The following TRERF1 variants were observed in gnomAD, a reference collection of about 807,000 sequenced individuals.
TRERF1 encodes transcriptional-regulating factor 1.
TRERF1 carries 27 observed loss-of-function variants against 122.9 expected under a neutral mutation model. The ratio of observed to expected loss-of-function variants is 0.22; its 90% CI spans 0.16 to 0.30. TRERF1 has a LOEUF of 0.30. Among genes scored for constraint, TRERF1 ranks in the 10% least tolerant of loss-of-function variants. TRERF1 has a pLI of 1.00. For synonymous variants in TRERF1, 636 were observed against 641.7 expected (o/e 0.99, Z 0.13); for missense variants, 1,248 against 1,560.3 (o/e 0.80, Z 3.37).
chr6:42,233,917 T>C (rs928333783), intron 16 of TRERF1, among the ~76,000 whole-genome samples: 1 of 152,166 alleles, frequency 6.6e-6, no homozygotes, highest in East Asian at 1.9e-4. Flanking sequence ...CAAATTTTAA[T>C]ACAGATGATA....
intron 2 of TRERF1, among the ~76,000 whole-genome samples, chr6:42,406,758 C>T (rs1356030755): frequency 6.6e-6 from 1 of 151,986 alleles, no homozygotes; most frequent in Non-Finnish European, 1.5e-5. Flanking sequence ...GACACTTACC[C>T]CCCACCCCCC....
At chr6:42,331,877 G>A (rs539079775) in intron 3 of TRERF1, among the ~76,000 whole-genome samples, 1 of 152,334 alleles carries the variant, frequency 6.6e-6, no homozygotes, top group East Asian at 1.9e-4. Flanking sequence ...CTGCCCCAAA[G>A]AGTTAGGAAT....
chr6:42,366,434 C>G (rs1423886254), intron 2 of TRERF1, among the ~76,000 whole-genome samples: 1 of 152,174 alleles, frequency 6.6e-6, no homozygotes, highest in Non-Finnish European at 1.5e-5. Context: ...CATACCTATT[C>G]TTCCTGTGCA....
At chr6:42,358,150 A>G (rs1312994207) in intron 3 of TRERF1, among the ~76,000 whole-genome samples, 16 of 152,240 alleles carry the variant, frequency 1.1e-4, no homozygotes, top group Non-Finnish European at 2.2e-4. Context: ...ACTGAAAGTC[A>G]GATCAAATTG....
chr6:42,434,671 C>CACAG (rs199906638), intron 2 of TRERF1, among the ~76,000 whole-genome samples: 28,762 of 99,434 alleles, frequency 0.29, 3,291 homozygotes, highest in Non-Finnish European at 0.36. Flanking sequence ...CCCTCCACCA[C>CACAG]ACACACACAC....
intron 3 of TRERF1, among the ~76,000 whole-genome samples, chr6:42,308,268 T>C (rs1787638645): frequency 6.6e-6 from 1 of 152,206 alleles, no homozygotes; most frequent in Non-Finnish European, 1.5e-5. Flanking sequence ...ATTCATACAA[T>C]GGAATATTAT....
At chr6:42,413,043 C>T (rs1339529428) in intron 2 of TRERF1, among the ~76,000 whole-genome samples, 1 of 152,144 alleles carries the variant, frequency 6.6e-6, no homozygotes, top group Admixed American at 6.6e-5. Context: ...TCAGGTCAAC[C>T]GACCAAATGT....
chr6:42,259,284 C>A lies in TRERF1; in HGVS notation c.2269+55G>T. 6.8e-7 allele frequency: 1 copy of A among 1,469,422 alleles called. No homozygotes were observed. The highest frequency in any genetic ancestry group is 8.9e-7 in the Non-Finnish European group (1 of 1,118,810). The allele number at this position is 1,469,422 out of a possible 1,614,324, so 91.0% of individuals were successfully genotyped here. ...GAGAAAGCTAAAGAAAACGAGATGT[C>A]CCAGGACTTTACCCAGCACCCAGAG... is the stretch of plus-strand genomic sequence containing the variant. On this transcript the variant is annotated intron_variant, in intron 9 of 17. Transcript: ENST00000372922. This position sits in a 1 kb window ranked among gnomAD's most constrained non-coding sequence, Gnocchi z 4.9.
rs1050860528 is a variant in TRERF1 at position 42,259,289 on chromosome 6, G to C, written c.2269+50C>G. On this transcript the variant is annotated intron_variant, in intron 9 of 17. Coordinates refer to ENST00000372922, the Ensembl canonical transcript of TRERF1. This position sits in a 1 kb window ranked among gnomAD's most constrained non-coding sequence, Gnocchi z 4.9. Reference sequence around the variant, plus strand: ...AGCTAAAGAAAACGAGATGTCCCAGGACTTTACCCAGCACCCAGAGCCCAG... The same window carrying C: ...AGCTAAAGAAAACGAGATGTCCCAGCACTTTACCCAGCACCCAGAGCCCAG... The C allele has an allele frequency of 6.8e-7, 1 of 1,473,810 alleles. No individual in the cohort carries two copies. Among genetic ancestry groups the C allele is most frequent in the Non-Finnish European group, 8.9e-7 (1 of 1,121,132 alleles). The allele number at this position is 1,473,810 out of a possible 1,614,324, so 91.3% of individuals were successfully genotyped here.
intron 2 of TRERF1, among the ~76,000 whole-genome samples, chr6:42,401,013 A>G (rs1779301224): frequency 6.6e-6 from 1 of 152,220 alleles, no homozygotes; most frequent in African/African-American, 2.4e-5. Context: ...GGTGTGAACT[A>G]AACTGCAGGG....
intron 3 of TRERF1, among the ~76,000 whole-genome samples, chr6:42,325,042 A>C (rs1239882613): frequency 6.6e-6 from 1 of 152,238 alleles, no homozygotes; most frequent in African/African-American, 2.4e-5. Context: ...TAAGGAACTT[A>C]AATAAATCAA....
intron 3 of TRERF1, among the ~76,000 whole-genome samples, chr6:42,322,658 C>G (rs1267501175): frequency 6.6e-6 from 1 of 152,012 alleles, no homozygotes; most frequent in African/African-American, 2.4e-5. Flanking sequence ...TTAAGGCAAC[C>G]AGCAATATAT....
At chr6:42,252,937 T>C (rs9471826) in intron 13 of TRERF1, among the ~76,000 whole-genome samples, 3,682 of 152,210 alleles carry the variant, frequency 0.024, 172 homozygotes, top group African/African-American at 0.085. Context: ...TCTATCTCTT[T>C]TGCCTCCAAG....
At position 42,232,660 on chromosome 6, in the gene TRERF1, T is replaced by C. The variant is rs907629646; in HGVS notation, c.3278+21A>G. 15 of 1,562,190 alleles carry C rather than the reference T, an allele frequency of 9.6e-6. No homozygotes were observed. The highest frequency in any genetic ancestry group is 5.3e-5 in the Admixed American group (3 of 56,628). On this transcript the variant is annotated intron_variant, in intron 17 of 17. Coordinates refer to ENST00000372922, the Ensembl canonical transcript of TRERF1. This position sits in a 1 kb window ranked among gnomAD's most constrained non-coding sequence, Gnocchi z 4.5. ...CTACCCATCATGAACTCAGATTCAGTCCCCGGTCCCCTGCACCTACTTGCC... is the reference window on the plus strand; with the variant it reads ...CTACCCATCATGAACTCAGATTCAGCCCCCGGTCCCCTGCACCTACTTGCC...
chr6:42,228,449 C>G lies in TRERF1; in HGVS notation c.3499G>C (p.Val1167Leu). The stretch of plus-strand genomic sequence containing the variant: ...TCCATGACACCTCCCAACTGCTGGA[C>G]GACGTCGTCGTCGAGGATGTCCACA... Residue 1167 changes from valine (V) to leucine (L), a missense_variant, in exon 18 of 18, where the codon GTC becomes CTC. By Grantham distance (32) the Val-to-Leu change is conservative. Around this residue, in one of 5 missense-constraint regions of TRERF1, gnomAD observed 84 missense variants for 116.0 expected, o/e 0.72. Coordinates refer to ENST00000372922, the Ensembl canonical transcript of TRERF1. This position sits in a 1 kb window ranked among gnomAD's most constrained non-coding sequence, Gnocchi z 4.2. The G allele has an allele frequency of 1.2e-6, 2 of 1,614,184 alleles. No homozygotes were observed. The highest frequency in any genetic ancestry group is 1.7e-6 in the Non-Finnish European group (2 of 1,180,046).
intron 2 of TRERF1, among the ~76,000 whole-genome samples, chr6:42,426,272 T>A (rs1027395328): frequency 2.0e-5 from 3 of 152,160 alleles, no homozygotes; most frequent in African/African-American, 4.8e-5. Context: ...ATGTAGCCAC[T>A]AAAATTATAT....
At chr6:42,281,214 T>C (rs1008554462) in intron 4 of TRERF1, among the ~76,000 whole-genome samples, 5 of 152,210 alleles carry the variant, frequency 3.3e-5, no homozygotes, top group South Asian at 2.1e-4. Context: ...CAAAACAACT[T>C]CCCTTTGCTG....
At chr6:42,361,076 T>C (rs551091918) in intron 3 of TRERF1, among the ~76,000 whole-genome samples, 188 of 152,306 alleles carry the variant, frequency 1.2e-3, no homozygotes, top group African/African-American at 4.3e-3. Flanking sequence ...GTGATAGTGT[T>C]AGGGATGAAG....
In TRERF1 at chr6:42,259,574, C is replaced by T. The variant is rs762423280; in HGVS notation, c.2034G>A (p.Ser678=). Residue 678 remains serine (S), a synonymous_variant, in exon 9 of 18, where the codon TCG becomes TCA. Transcript: ENST00000372922. This position sits in a 1 kb window ranked among gnomAD's most constrained non-coding sequence, Gnocchi z 4.9. ...GCTGGCTCTGGTACAGGGTGGCGCC[C>T]GAGTAGGAGGCAGCGGGGTTCGGGT... 3.1e-6 allele frequency: 5 copies of T among 1,613,734 alleles called. No homozygotes were observed. The highest frequency in any genetic ancestry group is 3.4e-6 in the Non-Finnish European group (4 of 1,179,884).
Sources: gnomAD v4.1 joint callset for allele counts (sites outside exome capture counted in the v4.1 genomes callset) on GRCh38, gnomAD v4.1.1 for gene constraint, gnomAD v4.1.1 regional missense constraint, Gnocchi (gnomAD v3.1) non-coding constraint, MANE v1.5 for transcripts, NCBI Gene and HGNC (gene_info 2026-07-23, HGNC 2026-07-21) for gene names.